The following ALPK2 variants were observed in gnomAD, a reference collection of about 807,000 sequenced individuals.
ALPK2 encodes the protein alpha kinase 2.
ALPK2 carries 127 observed loss-of-function variants against 163.1 expected under a neutral mutation model. The observed-to-expected ratio is 0.78, with a 90% CI of 0.67 to 0.90. The LOEUF (loss-of-function observed/expected upper bound fraction) is 0.90. Among genes scored for constraint, ALPK2 ranks in the 40% least tolerant of loss-of-function variants. ALPK2 has a pLI of 0.00. For missense variants in ALPK2, 2,360 were observed against 2,589.6 expected, an observed-to-expected ratio of 0.91 and a Z score of 1.92; for synonymous variants, 953 against 959.1, an observed-to-expected ratio of 0.99 and a Z score of 0.12.
At position 58,578,744 on chromosome 18, in the gene ALPK2, A is replaced by ACGCGCGCGCG. The variant is rs1568091160; in HGVS notation, c.1962+69_1962+70insCGCGCGCGCG. On this transcript the variant is annotated intron_variant, in intron 4 of 12. Transcript: ENST00000361673. ...GAAGTAAAGGAAGAGACACACACACACACACACACACACACACACACACAC... is the reference window on the plus strand; with the variant it reads ...GAAGTAAAGGAAGAGACACACACACACGCGCGCGCGCACACACACACACACACACACACAC... The ACGCGCGCGCG allele has an allele frequency of 1.7e-4, 130 of 769,112 alleles. 2 individuals are homozygous for ACGCGCGCGCG. The highest frequency in any genetic ancestry group is 2.1e-4 in the Non-Finnish European group (112 of 530,296). 47.6% of individuals were successfully genotyped at this position (769,112 alleles called of 1,614,324 possible).
At chr18:58,616,062 G>A (rs1377389271) in intron 1 of ALPK2, among the ~76,000 whole-genome samples, 1 of 152,196 alleles carries the variant, frequency 6.6e-6, no homozygotes, top group African/African-American at 2.4e-5. Context: ...TGCTAGAGAT[G>A]AACAATCAAT....
At chr18:58,523,111 T>C (rs12954660) in intron 8 of ALPK2, among the ~76,000 whole-genome samples, 2 of 130,908 alleles carry the variant, frequency 1.5e-5, no homozygotes, top group African/African-American at 2.9e-5. Flanking sequence ...CCCCTTCCTG[T>C]GTCCATGTGT....
At chr18:58,582,501 C>T (rs951405618) in intron 3 of ALPK2, among the ~76,000 whole-genome samples, 2 of 151,148 alleles carry the variant, frequency 1.3e-5, no homozygotes, top group East Asian at 2.0e-4. Flanking sequence ...GCCATTCAAG[C>T]GGACTCTTCT....
intron 4 of ALPK2, among the ~76,000 whole-genome samples, chr18:58,545,702 C>G: frequency 6.6e-6 from 1 of 151,490 alleles, no homozygotes. Context: ...TCTCCAACTT[C>G]TTTTTTTTTC....
At chr18:58,508,356 G>T (rs2051471923) in intron 10 of ALPK2, among the ~76,000 whole-genome samples, 1 of 152,216 alleles carries the variant, frequency 6.6e-6, no homozygotes, top group Non-Finnish European at 1.5e-5. Context: ...TTGAATAGGA[G>T]CTGGGTAAAA....
chr18:58,576,473 G>A (rs1163591309), intron 4 of ALPK2, among the ~76,000 whole-genome samples: 1 of 152,188 alleles, frequency 6.6e-6, no homozygotes, highest in Non-Finnish European at 1.5e-5. Flanking sequence ...AACCTCAAAT[G>A]TCTGAGAATA....
intron 4 of ALPK2, among the ~76,000 whole-genome samples, chr18:58,551,282 C>T (rs1020268786): frequency 6.6e-6 from 1 of 152,170 alleles, no homozygotes; most frequent in Non-Finnish European, 1.5e-5. Context: ...GTCGCCAGGG[C>T]TGCACTCCTC....
chr18:58,574,832 G>T (rs2051910712), intron 4 of ALPK2, among the ~76,000 whole-genome samples: 1 of 152,188 alleles, frequency 6.6e-6, no homozygotes, highest in South Asian at 2.1e-4. Flanking sequence ...CAGAGAGTTG[G>T]CCTCAGCATC....
At chr18:58,590,157 T>C (rs1343796108) in intron 3 of ALPK2, among the ~76,000 whole-genome samples, 1 of 148,334 alleles carries the variant, frequency 6.7e-6, no homozygotes, top group Non-Finnish European at 1.5e-5. Context: ...GGGGCGGAGA[T>C]TGCAGTGAGC....
intron 4 of ALPK2, among the ~76,000 whole-genome samples, chr18:58,551,097 A>G (rs2051757302): frequency 7.0e-6 from 1 of 143,342 alleles, no homozygotes; most frequent in Admixed American, 7.3e-5. Flanking sequence ...AGAAGGTCCC[A>G]GAAACAAAAA....
intron 11 of ALPK2, among the ~76,000 whole-genome samples, chr18:58,500,621 A>T (rs147397285): frequency 2.0e-5 from 3 of 152,348 alleles, no homozygotes; most frequent in Admixed American, 6.5e-5. Context: ...AATGAACAGC[A>T]TTAGAAGTTC....
rs555363064 is a variant in ALPK2, at chr18:58,495,568, C to T, written c.6296+2481G>A. 1.8e-4 allele frequency among the ~76,000 whole-genome samples: 27 copies of T among 152,296 alleles called. No individual in the cohort carries two copies. The South Asian group carries it at 4.1e-3, about 23-fold the overall frequency. ...AAATGTACCACTTGAAGCTCCCAGT[C>T]GGTCTGGGTTCCTGGAAGCTGTTGA... On this transcript the variant is annotated intron_variant, in intron 12 of 12. Transcript: ENST00000361673.
At chr18:58,508,232 CA>C (rs1189478927) in intron 10 of ALPK2, among the ~76,000 whole-genome samples, 1 of 151,752 alleles carries the variant, frequency 6.6e-6, no homozygotes, top group South Asian at 2.1e-4. Context: ...AAACAAACAA[CA>C]AAAAAAACCC....
At chr18:58,482,090 A>G (rs777447338) in intron 12 of ALPK2, 51 bp from the exon 13 acceptor site, 2 of 1,420,344 alleles carry the variant, frequency 1.4e-6, no homozygotes, top group Non-Finnish European at 2.0e-6. Flanking sequence ...GGACACTTTC[A>G]TCAGTTTAAA....
chr18:58,550,691 TGTACAACCCCATCCCCGCTTCCATCAC>T (rs1285183849), intron 4 of ALPK2, among the ~76,000 whole-genome samples: 37 of 48,412 alleles, frequency 7.6e-4, no homozygotes, highest in Admixed American at 1.5e-3. Flanking sequence ...ACCTCCATCG[TGTACAACCCCATCCCCGCTTCCATCAC>T]GTACAACCCC....
chr18:58,623,292 A>G (rs1466575140), intron 1 of ALPK2, among the ~76,000 whole-genome samples: 1 of 151,942 alleles, frequency 6.6e-6, no homozygotes, highest in Admixed American at 6.6e-5. Context: ...GGCTGTTCTC[A>G]TACTCCTGGG....
intron 1 of ALPK2, among the ~76,000 whole-genome samples, chr18:58,621,833 G>C (rs1206283709): frequency 3.9e-5 from 6 of 152,090 alleles, no homozygotes; most frequent in African/African-American, 1.4e-4. Context: ...TATTAATAGT[G>C]AGCACCTCCA....
rs142030470 is a variant in ALPK2 at position 58,537,861 on chromosome 18, C to G, written c.2326G>C (p.Val776Leu). The part of the protein sequence containing the change: ...ADFREPVAVS[V>L]ASPEPTDTAL... Reference sequence around the variant, plus strand: ...GTATCTGTGGGTTCAGGGGAAGCAACAGAGACAGCCACAGGCTCCCTGAAG... The same window carrying G: ...GTATCTGTGGGTTCAGGGGAAGCAAGAGAGACAGCCACAGGCTCCCTGAAG... Residue 776 changes from valine (V) to leucine (L), a missense_variant, in exon 5 of 13, where the codon GTT becomes CTT. Physicochemically the swap from Val to Leu is conservative, Grantham distance 32. Coordinates refer to ENST00000361673, the MANE Select transcript of ALPK2 (RefSeq NM_052947.4). The G allele has an allele frequency of 9.0e-5, 145 of 1,614,162 alleles. No individual in the cohort carries two copies. In the African/African-American group the frequency reaches 1.7e-3, roughly 19 times the overall value.
intron 1 of ALPK2, among the ~76,000 whole-genome samples, chr18:58,628,045 C>T (rs1014255448): frequency 2.6e-5 from 4 of 152,180 alleles, no homozygotes; most frequent in Non-Finnish European, 5.9e-5. Context: ...ATGTCTGTAA[C>T]TGACACCCTT....
Sources: allele counts gnomAD v4.1 joint callset (sites outside exome capture counted in the v4.1 genomes callset), GRCh38; gene constraint gnomAD v4.1.1; transcripts MANE v1.5; gene names NCBI Gene and HGNC (gene_info 2026-07-23, HGNC 2026-07-21).